The following CDH13 variants were observed in gnomAD, a reference collection of about 807,000 sequenced individuals.
CDH13 encodes the protein cadherin 13.
CDH13 carries 24 observed loss-of-function variants against 63.8 expected under a neutral mutation model. That is an observed-to-expected ratio of 0.38 (90% confidence interval 0.27 to 0.53). The LOEUF is 0.53. Ranked by LOEUF, CDH13 falls within the 20% of genes least tolerant of loss-of-function variation. The probability of loss-of-function intolerance (pLI) is 0.85; values close to 1 mark genes in which losing one functional copy is unlikely to be tolerated. For synonymous variants in CDH13, 503 were observed against 355.3 expected (o/e 1.42, Z -4.67); for missense variants, 1,049 against 903.1 (o/e 1.16, Z -2.07).
At chr16:83,620,828 C>T (rs1384902185) in intron 8 of CDH13, among the ~76,000 whole-genome samples, 2 of 152,176 alleles carry the variant, frequency 1.3e-5, no homozygotes, top group African/African-American at 2.4e-5. Flanking sequence ...CTTCAAGTTG[C>T]AAGTGTCCTA....
At chr16:83,212,819 T>C (rs1262112617) in intron 4 of CDH13, among the ~76,000 whole-genome samples, 1 of 152,126 alleles carries the variant, frequency 6.6e-6, no homozygotes, top group East Asian at 1.9e-4. Context: ...ACAAGAGGCT[T>C]GGGGGAAGCC....
chr16:83,217,011 T>C (rs976389234), intron 4 of CDH13, among the ~76,000 whole-genome samples: 1 of 152,068 alleles, frequency 6.6e-6, no homozygotes, highest in Admixed American at 6.6e-5. Flanking sequence ...CAGATAAATA[T>C]TTTTTTGAAA....
intron 4 of CDH13, among the ~76,000 whole-genome samples, chr16:83,150,409 T>C (rs764153168): frequency 6.6e-6 from 1 of 152,180 alleles, no homozygotes; most frequent in Non-Finnish European, 1.5e-5. Context: ...CTGTCCCCAA[T>C]ATATGCTTCT....
chr16:83,394,516 G>T (rs898027519), intron 6 of CDH13, among the ~76,000 whole-genome samples: 3 of 152,202 alleles, frequency 2.0e-5, no homozygotes, highest in Non-Finnish European at 4.4e-5. Context: ...AAAGTGAGAA[G>T]GGGAGCAGAA....
At chr16:83,537,678 A>G (rs920866721) in intron 7 of CDH13, among the ~76,000 whole-genome samples, 17 of 152,190 alleles carry the variant, frequency 1.1e-4, no homozygotes, top group African/African-American at 4.1e-4. Flanking sequence ...ATAGCTACAT[A>G]TAGTTATTAT....
chr16:82,627,162 C>T (rs1289317542), intron 1 of CDH13, 25 bp downstream of exon 1: 1 of 1,588,580 alleles, frequency 6.3e-7, no homozygotes, highest in African/African-American at 1.3e-5. Context: ...CTGCCGGGCG[C>T]GCTCTGCGCC....
At chr16:82,718,875 C>T (rs995023192) in intron 1 of CDH13, among the ~76,000 whole-genome samples, 2 of 152,124 alleles carry the variant, frequency 1.3e-5, no homozygotes, top group Non-Finnish European at 2.9e-5. Context: ...GGGGACACAG[C>T]TAAATCATAT....
chr16:83,336,300 CAAA>C (rs376325733), intron 5 of CDH13, among the ~76,000 whole-genome samples: 2 of 49,032 alleles, frequency 4.1e-5, no homozygotes. Flanking sequence ...GACTCCATCT[CAAA>C]AAAAAAAAAA....
At chr16:83,363,608 C>T (rs774894154) in intron 6 of CDH13, among the ~76,000 whole-genome samples, 14 of 152,176 alleles carry the variant, frequency 9.2e-5, no homozygotes, top group Non-Finnish European at 1.8e-4. Context: ...GTGAAACTGG[C>T]TTCTTTACTG....
intron 5 of CDH13, among the ~76,000 whole-genome samples, chr16:83,224,137 A>G (rs563617626): frequency 1.7e-3 from 253 of 152,310 alleles, no homozygotes; most frequent in African/African-American, 5.7e-3. Context: ...ATAGTCTTCA[A>G]TCCCATCCAG....
At chr16:82,775,248 C>G (rs1308829041) in intron 1 of CDH13, among the ~76,000 whole-genome samples, 1 of 152,174 alleles carries the variant, frequency 6.6e-6, no homozygotes, top group African/African-American at 2.4e-5. Context: ...AGAACATAGT[C>G]AAAATGGGGT....
rs899641138 is a variant in CDH13 at position 83,659,418 on chromosome 16, C to T, written c.1102-11372C>T. Among the ~76,000 whole-genome samples the T allele has an allele frequency of 2.0e-5, 3 of 152,258 alleles. No homozygotes were observed. The South Asian group carries it at 6.2e-4, about 31-fold the overall frequency. On this transcript the variant is annotated intron_variant, in intron 8 of 13. Coordinates refer to ENST00000567109, the MANE Select transcript of CDH13 (RefSeq NM_001257.5). ...CTCAACACCAGGTCCCATGTCCTCA[C>T]CAGCAAGGTCCCAACACAAGTTAGA...
chr16:83,626,921 A>C (rs181727471), intron 8 of CDH13, among the ~76,000 whole-genome samples: 1 of 152,078 alleles, frequency 6.6e-6, no homozygotes, highest in African/African-American at 2.4e-5. Context: ...GTGTTCTGAC[A>C]ACATCCTAGA....
chr16:82,885,704 C>A (rs539198624), intron 2 of CDH13, among the ~76,000 whole-genome samples: 2 of 152,234 alleles, frequency 1.3e-5, no homozygotes, highest in African/African-American at 4.8e-5. Context: ...TGGTTACAAG[C>A]ACAAGATCTT....
At chr16:83,164,872 A>G (rs1207727758) in intron 4 of CDH13, among the ~76,000 whole-genome samples, 1 of 143,480 alleles carries the variant, frequency 7.0e-6, no homozygotes, top group African/African-American at 2.8e-5. Context: ...ACGCCCTCAC[A>G]AAGTGGACAT....
chr16:83,773,510 GATCTCATGAGAACTCACTCACT>G (rs1914895821), intron 11 of CDH13, among the ~76,000 whole-genome samples: 1 of 152,072 alleles, frequency 6.6e-6, no homozygotes, highest in Non-Finnish European at 1.5e-5. Flanking sequence ...AAAACCATCC[GATCTCATGAGAACTCACTCACT>G]ATCAAGAGAA....
intron 6 of CDH13, among the ~76,000 whole-genome samples, chr16:83,360,967 C>G (rs2091150824): frequency 6.6e-6 from 1 of 152,114 alleles, no homozygotes; most frequent in African/African-American, 2.4e-5. Context: ...TGGATATATA[C>G]CCAGGAATGA....
rs183466950 is a variant in CDH13 at position 83,392,871 on chromosome 16, C to G, written c.781+47865C>G. Among the ~76,000 whole-genome samples, 489 of 151,966 alleles carry G rather than the reference C, an allele frequency of 3.2e-3. 2 individuals carry two copies. The highest frequency in any genetic ancestry group is 0.011 in the African/African-American group (458 of 41,432). Reference sequence around the variant, plus strand: ...GCTTCTAGAAGGAGGTGGGCCTGAGCCGCCCCTGAAGAATGTTGGGAATCT... The same window carrying G: ...GCTTCTAGAAGGAGGTGGGCCTGAGGCGCCCCTGAAGAATGTTGGGAATCT... On this transcript the variant is annotated intron_variant, in intron 6 of 13. Coordinates refer to ENST00000567109, the MANE Select transcript of CDH13 (RefSeq NM_001257.5).
At chr16:82,765,414 G>A (rs2035018500) in intron 1 of CDH13, among the ~76,000 whole-genome samples, 1 of 152,076 alleles carries the variant, frequency 6.6e-6, no homozygotes, top group African/African-American at 2.4e-5. Flanking sequence ...GTCTTAAATG[G>A]AAATTGATTC....
Sources: gnomAD v4.1 joint callset for allele counts (sites outside exome capture counted in the v4.1 genomes callset) on GRCh38, gnomAD v4.1.1 for gene constraint, MANE v1.5 for transcripts, NCBI Gene and HGNC (gene_info 2026-07-23, HGNC 2026-07-21) for gene names.